Variants in SLC6A17 observed in about 807,000 individuals in gnomAD.
The protein encoded by SLC6A17 is solute carrier family 6 member 17.
In SLC6A17, 21 loss-of-function variants were observed where a neutral mutation model predicts 64.5. The observed-to-expected ratio is 0.33, with a 90% CI of 0.23 to 0.47. The LOEUF is 0.47. Ranked by LOEUF, SLC6A17 falls within the 20% of genes least tolerant of loss-of-function variation. The probability of loss-of-function intolerance (pLI) is 1.00; values close to 1 mark genes in which losing one functional copy is unlikely to be tolerated. For synonymous variants in SLC6A17, 372 were observed against 399.5 expected (o/e 0.93, Z 0.82); for missense variants, 682 against 963.2 (o/e 0.71, Z 3.86).
At chr1:110,183,892 G>A (rs1347791997) in intron 6 of SLC6A17, among the ~76,000 whole-genome samples, 1 of 152,140 alleles carries the variant, frequency 6.6e-6, no homozygotes, top group Admixed American at 6.5e-5. Context: ...GGAGGAGTGA[G>A]TGTGAAGTAA....
At position 110,192,569 on chromosome 1, in the gene SLC6A17, C is replaced by A; in HGVS notation, c.1170C>A (p.Pro390=). The change falls in exon 8 of 12, where the codon CCC becomes CCA. Residue 390 remains proline (P), a synonymous_variant. Transcript: ENST00000331565. The surrounding 1 kb of genome is among the most constrained non-coding windows in gnomAD (Gnocchi z 4.3). ...TCCTGAGCCGGGACCTCATCCCACCCCACGTCAACTTCTCCCACCTGACCA... is the reference window on the plus strand; with the variant it reads ...TCCTGAGCCGGGACCTCATCCCACCACACGTCAACTTCTCCCACCTGACCA... ...TNVLSRDLIP[P]HVNFSHLTTK... is the part of the protein sequence containing the mutation. 2 of 1,614,206 alleles carry A rather than the reference C, an allele frequency of 1.2e-6. No homozygotes were observed. Among genetic ancestry groups the A allele is most frequent in the Non-Finnish European group, 1.7e-6 (2 of 1,180,024 alleles).
intron 1 of SLC6A17, among the ~76,000 whole-genome samples, chr1:110,161,942 A>T (rs1346423476): frequency 6.6e-6 from 1 of 152,100 alleles, no homozygotes; most frequent in Non-Finnish European, 1.5e-5. Context: ...TCCCAGTCAC[A>T]CTATTTTTTC....
intron 1 of SLC6A17, among the ~76,000 whole-genome samples, chr1:110,158,067 A>G (rs979084860): frequency 2.6e-5 from 4 of 152,182 alleles, no homozygotes; most frequent in African/African-American, 9.7e-5. Flanking sequence ...TGTACACTAT[A>G]AATTATATAT....
At chr1:110,156,263 A>G (rs1655757992) in intron 1 of SLC6A17, among the ~76,000 whole-genome samples, 1 of 152,224 alleles carries the variant, frequency 6.6e-6, no homozygotes, top group African/African-American at 2.4e-5. Context: ...TCTGGGAGAA[A>G]TGGTGGTAGA....
chr1:110,188,431 A>G (rs983261887), intron 6 of SLC6A17, among the ~76,000 whole-genome samples: 3 of 152,120 alleles, frequency 2.0e-5, no homozygotes, highest in Admixed American at 6.5e-5. Flanking sequence ...AACCCTTCCA[A>G]TCCTTCACAC....
intron 1 of SLC6A17, among the ~76,000 whole-genome samples, chr1:110,157,213 C>T (rs932874722): frequency 2.0e-5 from 3 of 152,206 alleles, no homozygotes; most frequent in Admixed American, 6.5e-5. Context: ...ATCCATATCA[C>T]CATCATCGCT....
intron 6 of SLC6A17, among the ~76,000 whole-genome samples, chr1:110,188,406 G>A (rs558583905): frequency 6.6e-6 from 1 of 152,332 alleles, no homozygotes; most frequent in Admixed American, 6.5e-5. Context: ...CCCATGCTCC[G>A]CTGTGGCTAT....
chr1:110,182,409 C>T (rs180832187), intron 6 of SLC6A17, among the ~76,000 whole-genome samples: 1 of 152,060 alleles, frequency 6.6e-6, no homozygotes, highest in African/African-American at 2.4e-5. Flanking sequence ...GCTGAGGAGG[C>T]AGTTGGATGT....
intron 6 of SLC6A17, among the ~76,000 whole-genome samples, chr1:110,190,167 G>T (rs1176468346): frequency 6.6e-6 from 1 of 152,122 alleles, no homozygotes; most frequent in East Asian, 1.9e-4. Flanking sequence ...ACACAGGGGT[G>T]GGCTGGGGAG....
intron 6 of SLC6A17, among the ~76,000 whole-genome samples, chr1:110,183,390 C>T (rs574604034): frequency 6.6e-6 from 1 of 152,214 alleles, no homozygotes; most frequent in Admixed American, 6.5e-5. Flanking sequence ...CGGTATGAGT[C>T]CAATGATATG....
chr1:110,169,860 C>T (rs1052913440), intron 2 of SLC6A17, among the ~76,000 whole-genome samples: 1 of 152,152 alleles, frequency 6.6e-6, no homozygotes, highest in African/African-American at 2.4e-5. Flanking sequence ...GAAAAAATAC[C>T]TCTTATTAAC....
chr1:110,192,793 G>A lies in SLC6A17; in HGVS notation c.1299+95G>A. 1 of 1,330,752 alleles carries A rather than the reference G, an allele frequency of 7.5e-7. No individual in the cohort carries two copies. Among genetic ancestry groups the A allele is most frequent in the Non-Finnish European group, 1.0e-6 (1 of 981,082 alleles). The allele number at this position is 1,330,752 out of a possible 1,614,324, so 82.4% of individuals were successfully genotyped here. On this transcript the variant is annotated intron_variant, in intron 8 of 11. Transcript: ENST00000331565. This position sits in a 1 kb window ranked among gnomAD's most constrained non-coding sequence, Gnocchi z 4.3. The stretch of plus-strand genomic sequence containing the variant: ...GGGCTCAGGCCTCAGGATGCTGACA[G>A]GTAGTCATTAGTTTACTTGGTAAGC...
At chr1:110,179,546 C>A (rs74716444) in intron 6 of SLC6A17, among the ~76,000 whole-genome samples, 1 of 141,328 alleles carries the variant, frequency 7.1e-6, no homozygotes, top group African/African-American at 2.6e-5. Flanking sequence ...CTCCCCTCCC[C>A]TCCCCTCCCC....
At chr1:110,152,655 T>C (rs1655640111) in intron 1 of SLC6A17, among the ~76,000 whole-genome samples, 1 of 152,020 alleles carries the variant, frequency 6.6e-6, no homozygotes, top group African/African-American at 2.4e-5. Context: ...GGCTCTGTGA[T>C]TGTGGTCAGA....
intron 6 of SLC6A17, among the ~76,000 whole-genome samples, chr1:110,186,076 C>T (rs1050682366): frequency 6.6e-6 from 1 of 152,150 alleles, no homozygotes; most frequent in Admixed American, 6.5e-5. Context: ...ATCTTCTCTG[C>T]CTTTGTACAT....
At chr1:110,176,829 C>T in intron 6 of SLC6A17, 90 bp downstream of exon 6, 1 of 1,093,176 alleles carries the variant, frequency 9.1e-7, no homozygotes, top group Non-Finnish European at 1.4e-6. Context: ...ATTTAATGCA[C>T]TCCGAACACC....
In SLC6A17 at chr1:110,150,842, G is replaced by A. The variant is rs375461369; in HGVS notation, c.-129G>A. ...GTCGGGGATCGCAGCTGCTCGGCCG[G>A]AGTGCACGGGCCGAGTCTGCGCGAC... On this transcript the variant is annotated 5_prime_UTR_variant, in exon 1 of 12. Transcript: ENST00000331565. 2.5e-4 allele frequency: 38 copies of A among 152,178 alleles called. No homozygotes were observed. Among genetic ancestry groups the A allele is most frequent in the African/African-American group, 8.9e-4 (37 of 41,556 alleles). The allele number at this position is 152,178 out of a possible 1,614,324, so 9.4% of individuals were successfully genotyped here. A position where few individuals can be genotyped will look rare whatever the true frequency, so the allele number is the denominator to read the frequency against.
chr1:110,191,052 C>T (rs17025524), intron 6 of SLC6A17, among the ~76,000 whole-genome samples: 14,290 of 152,270 alleles, frequency 0.094, 726 homozygotes, highest in African/African-American at 0.12. Flanking sequence ...AGTGCCACTA[C>T]GTACAGGCAT....
At chr1:110,183,114 T>C (rs1656577309) in intron 6 of SLC6A17, among the ~76,000 whole-genome samples, 1 of 152,200 alleles carries the variant, frequency 6.6e-6, no homozygotes, top group Non-Finnish European at 1.5e-5. Flanking sequence ...GCCATTCCAC[T>C]CCTAGGCACA....
Sources: gnomAD v4.1 joint callset for allele counts (sites outside exome capture counted in the v4.1 genomes callset) on GRCh38, gnomAD v4.1.1 for gene constraint, Gnocchi (gnomAD v3.1) non-coding constraint, MANE v1.5 for transcripts, NCBI Gene and HGNC (gene_info 2026-07-23, HGNC 2026-07-21) for gene names.